MYO10: variants seen among roughly 807,000 people sequenced by gnomAD.
The protein encoded by MYO10 is unconventional myosin-X.
MYO10 carries 133 observed loss-of-function variants against 257.3 expected under a neutral mutation model. That is an observed-to-expected ratio of 0.52 (90% CI 0.45 to 0.60). The LOEUF (loss-of-function observed/expected upper bound fraction) is 0.60, where lower values mean the gene tolerates loss of function less well. MYO10 is among the 20% of genes least tolerant of loss of function. MYO10 has a pLI of 0.00. For missense variants in MYO10, 2,399 were observed against 2,635.7 expected, an observed-to-expected ratio of 0.91 and a Z score of 1.97; for synonymous variants, 1,104 against 1,028.6, an observed-to-expected ratio of 1.07 and a Z score of -1.40.
chr5:16,723,209 C>A (rs1739223082), intron 19 of MYO10, among the ~76,000 whole-genome samples: 1 of 151,646 alleles, frequency 6.6e-6, no homozygotes, highest in Non-Finnish European at 1.5e-5. Context: ...ACAGTGAAAC[C>A]CCGTCTCTAC....
At position 16,758,133 on chromosome 5, in the gene MYO10, G is replaced by C; in HGVS notation, c.1833C>G (p.Val611=). Residue 611 remains valine (V), a synonymous_variant, in exon 18 of 41, where the codon GTC becomes GTG. Transcript: ENST00000513610. ...GAAAACGAACCTTGAACTGTGAGCT[G>C]ACTGTAGGCCGCCGATGTTTGCTTC... ...KCGSKHRRPT[V]SSQFKDSLHS... is the part of the protein sequence containing the mutation. 2 of 1,610,676 alleles carry C rather than the reference G, an allele frequency of 1.2e-6. No homozygotes were observed. Among genetic ancestry groups the C allele is most frequent in the Non-Finnish European group, 1.7e-6 (2 of 1,176,870 alleles).
chr5:16,790,477 G>A (rs1389344546), intron 4 of MYO10, among the ~76,000 whole-genome samples: 2 of 152,160 alleles, frequency 1.3e-5, no homozygotes, highest in Non-Finnish European at 2.9e-5. Flanking sequence ...GGGACCTGGT[G>A]GGAGACGACT....
chr5:16,681,146 T>C (rs1650533100), intron 32 of MYO10, among the ~76,000 whole-genome samples, 163 bp downstream of exon 32: 1 of 151,970 alleles, frequency 6.6e-6, no homozygotes, highest in Non-Finnish European at 1.5e-5. Flanking sequence ...AAACACTAAG[T>C]GGTCACATAG....
At chr5:16,678,488 G>C (rs920572490) in intron 33 of MYO10, among the ~76,000 whole-genome samples, 2 of 152,336 alleles carry the variant, frequency 1.3e-5, no homozygotes, top group Admixed American at 6.5e-5. Flanking sequence ...GCTGAGGCAG[G>C]AGAATTGCTT....
intron 2 of MYO10, among the ~76,000 whole-genome samples, chr5:16,833,494 G>A (rs2126720075): frequency 6.6e-6 from 1 of 152,268 alleles, no homozygotes; most frequent in East Asian, 1.9e-4. Flanking sequence ...TTATAGGTGT[G>A]AGCCACTGTG....
At chr5:16,685,922 C>T (rs1737234376) in intron 28 of MYO10, 91 bp from the exon 29 acceptor site, 3 of 901,642 alleles carry the variant, frequency 3.3e-6, no homozygotes, top group Non-Finnish European at 5.3e-6. Context: ...GTGAAAATGA[C>T]ATCTCTAAGC....
intron 1 of MYO10, among the ~76,000 whole-genome samples, chr5:16,884,714 C>CTT (rs35899996): frequency 1.8e-4 from 27 of 149,102 alleles, no homozygotes; most frequent in Admixed American, 3.3e-4. Flanking sequence ...TTACCAGATG[C>CTT]TTTTTTTTTC....
chr5:16,673,976 C>G, intron 35 of MYO10, 87 bp from the exon 36 acceptor site: 2 of 1,198,568 alleles, frequency 1.7e-6, no homozygotes, highest in Non-Finnish European at 2.4e-6. Context: ...TTCTGTAGAC[C>G]AAAGCAGTGA....
chr5:16,698,614 G>C (rs1737871468), intron 26 of MYO10, among the ~76,000 whole-genome samples: 1 of 138,176 alleles, frequency 7.2e-6, no homozygotes, highest in Non-Finnish European at 1.5e-5. Context: ...TGGCAGGAGA[G>C]AACATGCAGT....
At chr5:16,797,418 T>TA (rs891737748) in intron 3 of MYO10, among the ~76,000 whole-genome samples, 7 of 152,014 alleles carry the variant, frequency 4.6e-5, no homozygotes, top group Non-Finnish European at 1.0e-4. Context: ...GCAAAAGATT[T>TA]AAAAAAAGGT....
chr5:16,669,096 C>A lies in MYO10; in HGVS notation c.5884-628G>T, dbSNP rs146385164. ...ATATGAAGGGGCTAACAACACAGGG[C>A]TGATCCAAACCTGGACAAGCAGGAG... On this transcript the variant is annotated intron_variant, in intron 39 of 40. Transcript: ENST00000513610. Among the ~76,000 whole-genome samples, 553 of 152,260 alleles carry A rather than the reference C, an allele frequency of 3.6e-3. 4 individuals are homozygous for A. Among genetic ancestry groups the A allele is most frequent in the African/African-American group, 0.013 (525 of 41,546 alleles).
intron 2 of MYO10, among the ~76,000 whole-genome samples, chr5:16,865,004 G>C (rs1021388665): frequency 6.6e-6 from 1 of 152,186 alleles, no homozygotes; most frequent in Non-Finnish European, 1.5e-5. Context: ...GTCCATCTCA[G>C]AGGTGGGTAT....
chr5:16,769,136 A>G lies in MYO10; in HGVS notation c.998T>C (p.Ile333Thr), dbSNP rs895003911. 6.2e-7 allele frequency: 1 copy of G among 1,612,816 alleles called. No individual in the cohort carries two copies. Among genetic ancestry groups the G allele is most frequent in the Non-Finnish European group, 8.5e-7 (1 of 1,179,498 alleles). Residue 333 changes from isoleucine (I) to threonine (T), a missense_variant, in exon 10 of 41, where the codon ATA (isoleucine) becomes ACA (threonine). Physicochemically the swap from Ile to Thr is moderately conservative, Grantham distance 89 (BLOSUM62 -1). Around this residue, in one of 3 missense-constraint regions of MYO10, gnomAD observed 337 missense variants for 446.8 expected, o/e 0.75. Coordinates refer to ENST00000513610, the MANE Select transcript of MYO10 (RefSeq NM_012334.3). ...AAATTCTATGTTCCCAAGATGCAGTATACCAGCAAGCAGCCTCGACACTTC... is the reference window on the plus strand; with the variant it reads ...AAATTCTATGTTCCCAAGATGCAGTGTACCAGCAAGCAGCCTCGACACTTC... The part of the protein sequence containing the change: ...VREVSRLLAG[I>T]LHLGNIEFIT...
intron 3 of MYO10, among the ~76,000 whole-genome samples, chr5:16,798,007 GAGTT>G (rs1450846050): frequency 2.6e-5 from 4 of 152,336 alleles, no homozygotes; most frequent in South Asian, 2.1e-4. Flanking sequence ...TTGCAGGAGT[GAGTT>G]AGTTATTGCA....
chr5:16,705,062 T>C (rs1738268029), intron 21 of MYO10, among the ~76,000 whole-genome samples: 1 of 152,152 alleles, frequency 6.6e-6, no homozygotes, highest in Non-Finnish European at 1.5e-5. Context: ...ACATTGAGTC[T>C]ACGTAATATG....
chr5:16,782,034 C>T (rs1007132033), intron 5 of MYO10, among the ~76,000 whole-genome samples: 4 of 152,166 alleles, frequency 2.6e-5, no homozygotes, highest in Admixed American at 6.5e-5. Flanking sequence ...TCTTAGTGAG[C>T]GTAGCTGTGC....
chr5:16,810,161 T>C (rs1742394052), intron 3 of MYO10, among the ~76,000 whole-genome samples: 1 of 152,082 alleles, frequency 6.6e-6, no homozygotes, highest in Non-Finnish European at 1.5e-5. Context: ...CATAATAATT[T>C]GAGATGATCC....
At chr5:16,860,466 T>C (rs1056315201) in intron 2 of MYO10, among the ~76,000 whole-genome samples, 2 of 152,208 alleles carry the variant, frequency 1.3e-5, no homozygotes, top group African/African-American at 2.4e-5. Context: ...GGCCCATATT[T>C]ACTGAGAAAT....
At chr5:16,879,180 T>C (rs183214739) in intron 1 of MYO10, among the ~76,000 whole-genome samples, 1 of 152,322 alleles carries the variant, frequency 6.6e-6, no homozygotes, top group East Asian at 1.9e-4. Context: ...TCACTTGACA[T>C]AGCACTTGAT....
Sources: gnomAD v4.1 joint callset for allele counts (sites outside exome capture counted in the v4.1 genomes callset) on GRCh38, gnomAD v4.1.1 for gene constraint, gnomAD v4.1.1 regional missense constraint, MANE v1.5 for transcripts, NCBI Gene and HGNC (gene_info 2026-07-23, HGNC 2026-07-21) for gene names.